The following COX7A2L variants were observed in gnomAD, a reference collection of about 807,000 sequenced individuals.
The protein encoded by COX7A2L is cytochrome c oxidase subunit 7A2-like, mitochondrial.
COX7A2L carries 18 observed loss-of-function variants against 14.2 expected under a neutral mutation model. That is an observed-to-expected ratio of 1.27 (90% CI 0.88 to 1.88). The LOEUF is 1.88. Ranked by LOEUF, COX7A2L falls within the 40% of genes most tolerant of loss-of-function variation. COX7A2L has a pLI of 0.00. For missense variants in COX7A2L, 179 were observed against 138.8 expected, an observed-to-expected ratio of 1.29 and a Z score of -1.46; for synonymous variants, 65 against 57.4, an observed-to-expected ratio of 1.13 and a Z score of -0.60.
At chr2:42,336,898 TGCAAGGAACTGTGTGGGGCTCA>T (rs1670286638) in intron 2 of COX7A2L, among the ~76,000 whole-genome samples, 2 of 152,122 alleles carry the variant, frequency 1.3e-5, no homozygotes, top group Admixed American at 6.5e-5. Flanking sequence ...ACCTGCCTAG[TGCAAGGAACTGTGTGGGGCTCA>T]GCAAGGAATC....
upstream of COX7A2L, among the ~76,000 whole-genome samples, chr2:42,365,427 G>A (rs1197725804): frequency 6.6e-6 from 1 of 152,118 alleles, no homozygotes; most frequent in African/African-American, 2.4e-5. Flanking sequence ...AGGAGTTCGG[G>A]ACCAGCCTTA....
downstream of COX7A2L, among the ~76,000 whole-genome samples, chr2:42,346,241 G>C (rs1452741133): frequency 2.6e-5 from 4 of 152,176 alleles, no homozygotes; most frequent in Admixed American, 2.0e-4. Context: ...GAGAAAGCTG[G>C]TCTGCAGAGA....
chr2:42,344,566 T>C (rs1302785616), downstream of COX7A2L, among the ~76,000 whole-genome samples: 1 of 152,188 alleles, frequency 6.6e-6, no homozygotes, highest in African/African-American at 2.4e-5. Flanking sequence ...TTAGAATGCG[T>C]CGCAGGCCCG....
intron 2 of COX7A2L, among the ~76,000 whole-genome samples, chr2:42,351,890 G>T (rs1027349547): frequency 6.6e-6 from 1 of 152,148 alleles, no homozygotes; most frequent in Non-Finnish European, 1.5e-5. Context: ...AGCTGAGGTG[G>T]GAGGATCGCT....
chr2:42,346,263 A>T (rs1246304762), downstream of COX7A2L, among the ~76,000 whole-genome samples: 2 of 152,322 alleles, frequency 1.3e-5, no homozygotes, highest in African/African-American at 4.8e-5. Context: ...AGAATTAAAC[A>T]GCTGCATAAT....
downstream of COX7A2L, among the ~76,000 whole-genome samples, chr2:42,345,326 T>G (rs1670474301): frequency 6.6e-6 from 1 of 152,152 alleles, no homozygotes; most frequent in African/African-American, 2.4e-5. Context: ...GAGGTTGCAG[T>G]GAGCCGAGAA....
intron 2 of COX7A2L, 69 bp downstream of exon 2, chr2:42,353,143 A>C (rs1670700035): frequency 6.4e-7 from 1 of 1,553,798 alleles, no homozygotes; most frequent in Non-Finnish European, 8.7e-7. Context: ...ATTAAGATTT[A>C]GTTTCATAAG....
At chr2:42,362,606 C>G (rs1671083187), upstream of COX7A2L, among the ~76,000 whole-genome samples, 1 of 152,100 alleles carries the variant, frequency 6.6e-6, no homozygotes, top group Non-Finnish European at 1.5e-5. Flanking sequence ...AGATATGAAG[C>G]CATTCTGAAA....
At position 42,339,640 on chromosome 2, in the gene COX7A2L, AATTT is replaced by A. The variant is rs1670360754; in HGVS notation, c.193-5775_193-5772del. ...CCTTTCTTATTTTTAACACTTTTTA[AATTT>A]ATTACTTCCAATAAAGTGCAGAATC... On this transcript the variant is annotated intron_variant, in intron 2 of 2. Transcript: ENST00000468711. This position sits in a 1 kb window ranked among gnomAD's most constrained non-coding sequence, Gnocchi z 5.4. Among the ~76,000 whole-genome samples the A allele has an allele frequency of 6.6e-6, 1 of 152,026 alleles. No individual in the cohort carries two copies. Among genetic ancestry groups the A allele is most frequent in the East Asian group, 1.9e-4 (1 of 5,172 alleles).
intron 2 of COX7A2L, among the ~76,000 whole-genome samples, chr2:42,344,138 TTTTAAA>T (rs758913697): frequency 5.3e-5 from 8 of 152,244 alleles, no homozygotes; most frequent in Non-Finnish European, 8.8e-5. Context: ...AAATTCTTCA[TTTTAAA>T]TTTAAATAGT....
At chr2:42,354,083 G>A (rs1256230302) in intron 1 of COX7A2L, among the ~76,000 whole-genome samples, 4 of 152,162 alleles carry the variant, frequency 2.6e-5, no homozygotes, top group Non-Finnish European at 5.9e-5. Flanking sequence ...TCAGGTGGGG[G>A]CTTGGGGGCT....
rs947368189 is a variant in COX7A2L, at chr2:42,342,549, A to G, written c.193-8680T>C. 6.6e-6 allele frequency among the ~76,000 whole-genome samples: 1 copy of G among 152,086 alleles called. No homozygotes were observed. Among genetic ancestry groups the G allele is most frequent in the East Asian group, 1.9e-4 (1 of 5,178 alleles). On this transcript the variant is annotated intron_variant, in intron 2 of 2. Coordinates refer to the COX7A2L transcript ENST00000468711. This position sits in a 1 kb window ranked among gnomAD's most constrained non-coding sequence, Gnocchi z 4.9. ...CTGCCAAAGGGGAGGCAACGCCACC[A>G]TTTCTCACAGCCTGGGGCAGCTTGG...
At chr2:42,365,457 T>C (rs1053845806), upstream of COX7A2L, among the ~76,000 whole-genome samples, 1 of 152,054 alleles carries the variant, frequency 6.6e-6, no homozygotes. Flanking sequence ...TGAAACCCCA[T>C]CTCTACTACA....
At chr2:42,363,519 G>A (rs1246672528), upstream of COX7A2L, among the ~76,000 whole-genome samples, 1 of 152,128 alleles carries the variant, frequency 6.6e-6, no homozygotes, top group Admixed American at 6.5e-5. Flanking sequence ...TCTGATTTTA[G>A]ATCCTGCAAG....
chr2:42,367,431 G>C (rs1265403658), intron 1 of COX7A2L, among the ~76,000 whole-genome samples: 1 of 152,100 alleles, frequency 6.6e-6, no homozygotes, highest in East Asian at 1.9e-4. Context: ...GGAGAGCTGG[G>C]GTCTTCTCCC....
At chr2:42,346,298 T>A (rs116428929), downstream of COX7A2L, among the ~76,000 whole-genome samples, 1,253 of 152,298 alleles carry the variant, frequency 8.2e-3, 14 homozygotes, top group African/African-American at 0.029. Flanking sequence ...AAAGGACAGG[T>A]ACCTTGGACT....
chr2:42,358,154 T>A (rs979876328), intron 1 of COX7A2L, among the ~76,000 whole-genome samples: 1 of 152,232 alleles, frequency 6.6e-6, no homozygotes, highest in African/African-American at 2.4e-5. Flanking sequence ...CCAATACTTG[T>A]TATCATCTGT....
At chr2:42,345,426 CAACTT>C (rs1202504456), downstream of COX7A2L, among the ~76,000 whole-genome samples, 1 of 152,032 alleles carries the variant, frequency 6.6e-6, no homozygotes, top group East Asian at 1.9e-4. Flanking sequence ...GATCAAGTGA[CAACTT>C]AGCTGGCTCC....
At chr2:42,347,984 G>A (rs1242817060), downstream of COX7A2L, among the ~76,000 whole-genome samples, 1 of 152,198 alleles carries the variant, frequency 6.6e-6, no homozygotes. Context: ...AGAGGAAACT[G>A]AGGTAAGGAA....
Sources: gnomAD v4.1 joint callset for allele counts (sites outside exome capture counted in the v4.1 genomes callset) on GRCh38, gnomAD v4.1.1 for gene constraint, Gnocchi (gnomAD v3.1) non-coding constraint, MANE v1.5 for transcripts, NCBI Gene and HGNC (gene_info 2026-07-23, HGNC 2026-07-21) for gene names.